FGF13: variants seen among roughly 807,000 people sequenced by gnomAD.
FGF13 encodes fibroblast growth factor homologous factor 2.
FGF13 carries 2 observed loss-of-function variants against 19.5 expected under a neutral mutation model. That is an observed-to-expected ratio of 0.10 (90% CI 0.04 to 0.32). The LOEUF (loss-of-function observed/expected upper bound fraction) is 0.32, where lower values mean the gene tolerates loss of function less well. FGF13 is among the 10% of genes least tolerant of loss of function. The pLI, the probability that FGF13 is intolerant of heterozygous loss-of-function variation, is 1.00. For synonymous variants in FGF13, 72 were observed against 76.9 expected, an observed-to-expected ratio of 0.94 and a Z score of 0.33; for missense variants, 113 against 192.7, an observed-to-expected ratio of 0.59 and a Z score of 2.45.
chrX:139,188,922 G>A (rs1197179178), intron 1 of FGF13, among the ~76,000 whole-genome samples: 1 of 111,490 alleles, frequency 9.0e-6, no homozygotes, highest in African/African-American at 3.3e-5. Flanking sequence ...GTACTATTCA[G>A]AAATTAATAA....
chrX:139,190,440 T>C (rs2084316992), intron 1 of FGF13, among the ~76,000 whole-genome samples: 1 of 111,811 alleles, frequency 8.9e-6, no homozygotes, highest in African/African-American at 3.2e-5. Flanking sequence ...CTGCTATCAG[T>C]AGAGTAACAG....
At chrX:138,695,536 G>A (rs1445306031) in intron 3 of FGF13, among the ~76,000 whole-genome samples, 1 of 111,963 alleles carries the variant, frequency 8.9e-6, no homozygotes, top group African/African-American at 3.2e-5. Flanking sequence ...GGAAATAGGT[G>A]TAAAGTGCCA....
At chrX:139,099,695 G>T (rs2083495483) in intron 1 of FGF13, among the ~76,000 whole-genome samples, 2 of 111,097 alleles carry the variant, frequency 1.8e-5, no homozygotes. Flanking sequence ...GTGGGGAGGA[G>T]GAAGGAAAAC....
chrX:139,066,986 T>C (rs1223959873), intron 1 of FGF13, among the ~76,000 whole-genome samples: 1 of 111,327 alleles, frequency 9.0e-6, no homozygotes, highest in African/African-American at 3.3e-5. Context: ...CATACACAAA[T>C]CAATAAACAT....
intron 1 of FGF13, among the ~76,000 whole-genome samples, chrX:138,888,004 C>T (rs1400424209): frequency 8.9e-6 from 1 of 112,145 alleles, no homozygotes; most frequent in Non-Finnish European, 1.9e-5. Context: ...TAGTTTTTCC[C>T]ATATCTCCTT....
intron 1 of FGF13, among the ~76,000 whole-genome samples, chrX:138,897,418 G>A (rs1350737565): frequency 9.0e-6 from 1 of 111,296 alleles, no homozygotes; most frequent in African/African-American, 3.3e-5. Context: ...AAGTGAATAT[G>A]GATCTCAGTC....
At chrX:138,976,297 C>T (rs1348142542) in intron 1 of FGF13, among the ~76,000 whole-genome samples, 1 of 111,481 alleles carries the variant, frequency 9.0e-6, no homozygotes, top group Non-Finnish European at 1.9e-5. Flanking sequence ...AACAAACCTA[C>T]GTGTCCATCA....
chrX:138,812,876 G>A (rs891709993), intron 3 of FGF13, among the ~76,000 whole-genome samples: 10 of 110,346 alleles, frequency 9.1e-5, no homozygotes, highest in Non-Finnish European at 1.7e-4. Flanking sequence ...AGGCCCTGGC[G>A]TGTATTGTTC....
chrX:139,043,736 T>C (rs947479250), intron 1 of FGF13, among the ~76,000 whole-genome samples: 2 of 111,790 alleles, frequency 1.8e-5, no homozygotes, highest in African/African-American at 6.5e-5. Flanking sequence ...AACAGATAAA[T>C]GAATAAACAA....
intron 3 of FGF13, among the ~76,000 whole-genome samples, chrX:138,748,185 T>C (rs1186911288): frequency 1.8e-5 from 2 of 112,038 alleles, no homozygotes; most frequent in Non-Finnish European, 3.8e-5. Context: ...TATTGTTTCA[T>C]ATAATTGCAC....
intron 1 of FGF13, among the ~76,000 whole-genome samples, chrX:139,175,603 G>T: frequency 8.9e-6 from 1 of 111,746 alleles, no homozygotes; most frequent in African/African-American, 3.2e-5. Flanking sequence ...AGAGTTTTTA[G>T]CATGAAAGAG....
At chrX:139,127,895 G>A (rs1603212118) in intron 1 of FGF13, among the ~76,000 whole-genome samples, 1 of 110,514 alleles carries the variant, frequency 9.0e-6, no homozygotes, top group African/African-American at 3.3e-5. Context: ...AGGAAAACAG[G>A]CTGATGTCGC....
chrX:138,640,096 A>G (rs748145476), intron 3 of FGF13, among the ~76,000 whole-genome samples: 8 of 111,912 alleles, frequency 7.1e-5, no homozygotes, highest in Non-Finnish European at 1.5e-4. Context: ...TGGATCCAGG[A>G]GCAAAATCTA....
chrX:138,888,453 G>C (rs776112717), intron 1 of FGF13, among the ~76,000 whole-genome samples: 1 of 110,572 alleles, frequency 9.0e-6, no homozygotes, highest in South Asian at 3.9e-4. Context: ...GCTTAGCATG[G>C]AACCTGGCTT....
At chrX:138,879,267 C>G (rs915270208) in intron 1 of FGF13, among the ~76,000 whole-genome samples, 3 of 111,378 alleles carry the variant, frequency 2.7e-5, no homozygotes, top group African/African-American at 9.8e-5. Flanking sequence ...ATATATCAAG[C>G]CTTTATCAGA....
At chrX:138,882,394 G>A (rs1288209046) in intron 1 of FGF13, among the ~76,000 whole-genome samples, 1 of 111,835 alleles carries the variant, frequency 8.9e-6, no homozygotes, top group Non-Finnish European at 1.9e-5. Flanking sequence ...GTTAGGTCTA[G>A]TTGATGTACA....
chrX:138,797,682 C>A (rs762858707), intron 3 of FGF13, among the ~76,000 whole-genome samples: 203 of 111,667 alleles, frequency 1.8e-3, no homozygotes, highest in Admixed American at 5.7e-3. Flanking sequence ...ATTGACTCTT[C>A]CTATCCATGA....
At chrX:139,202,760 G>C (rs2084425629) in intron 1 of FGF13, among the ~76,000 whole-genome samples, 1 of 111,626 alleles carries the variant, frequency 9.0e-6, no homozygotes, top group Non-Finnish European at 1.9e-5. Flanking sequence ...ACAAGGAATA[G>C]AGAAAGGAGT....
intron 1 of FGF13, among the ~76,000 whole-genome samples, chrX:139,153,910 T>C (rs1208541305): frequency 9.0e-6 from 1 of 110,882 alleles, no homozygotes; most frequent in Non-Finnish European, 1.9e-5. Flanking sequence ...CAAAGATTGT[T>C]AGCAACCAGC....
Sources: allele counts gnomAD v4.1 joint callset (sites outside exome capture counted in the v4.1 genomes callset), GRCh38; gene constraint gnomAD v4.1.1; transcripts MANE v1.5; gene names NCBI Gene and HGNC (gene_info 2026-07-23, HGNC 2026-07-21).